Variants in TMEM248 observed in about 807,000 individuals in gnomAD.
TMEM248 encodes the protein transmembrane protein 248, also known as UPF0458 protein C7orf42.
In TMEM248, 9 loss-of-function variants were observed where a neutral mutation model predicts 30.3. The ratio of observed to expected loss-of-function variants is 0.30; its 90% CI spans 0.18 to 0.52. The LOEUF is 0.52. Among genes scored for constraint, TMEM248 ranks in the 20% least tolerant of loss-of-function variants. The pLI, the probability that TMEM248 is intolerant of heterozygous loss-of-function variation, is 0.97. For missense variants in TMEM248, 338 were observed against 403.3 expected (o/e 0.84, Z 1.39); for synonymous variants, 184 against 154.4 (o/e 1.19, Z -1.42).
chr7:66,934,107 C>T (rs780944417), intron 1 of TMEM248, among the ~76,000 whole-genome samples: 13 of 151,542 alleles, frequency 8.6e-5, no homozygotes, highest in African/African-American at 2.2e-4. Context: ...TATTTGAAAA[C>T]GCTTGTGAAT....
In TMEM248 at chr7:66,955,553, TGA is replaced by T; in HGVS notation, c.*36_*37del. ...CAGCTCCTTGTTTTTTGAGAGAGAC[TGA>T]GAGAACCATAATCCTTGCCTGCTGA... On this transcript the variant is annotated 3_prime_UTR_variant, in exon 7 of 7. Coordinates refer to ENST00000341567, the MANE Select transcript of TMEM248 (RefSeq NM_017994.5). 2 of 1,613,828 alleles carry T rather than the reference TGA, an allele frequency of 1.2e-6. No homozygotes were observed. Among genetic ancestry groups the T allele is most frequent in the Non-Finnish European group, 1.7e-6 (2 of 1,179,912 alleles).
chr7:66,939,662 C>G (rs980722061), intron 1 of TMEM248, among the ~76,000 whole-genome samples: 32 of 152,224 alleles, frequency 2.1e-4, no homozygotes, highest in African/African-American at 7.7e-4. Context: ...AATCTCCACT[C>G]TCACTGGGCT....
Position 66,955,693 on chromosome 7 carries a change from A to G in TMEM248, c.*171A>G, listed in dbSNP as rs1792383722. 1 of 850,868 alleles carries G rather than the reference A, an allele frequency of 1.2e-6. No individual in the cohort carries two copies. The highest frequency in any genetic ancestry group is 1.8e-6 in the Non-Finnish European group (1 of 561,438). 52.7% of individuals were successfully genotyped at this position (850,868 alleles called of 1,614,324 possible). A position where few individuals can be genotyped will look rare whatever the true frequency, so the allele number is the denominator to read the frequency against. On this transcript the variant is annotated 3_prime_UTR_variant, in exon 7 of 7. Transcript: ENST00000341567. ...GATTTGTACATATTTATAAAAATCTATTCAGAAATTGGTCCAATAATGCAC... is the reference window on the plus strand; with the variant it reads ...GATTTGTACATATTTATAAAAATCTGTTCAGAAATTGGTCCAATAATGCAC...
chr7:66,943,219 AT>A (rs1792009489), intron 2 of TMEM248, among the ~76,000 whole-genome samples: 1 of 152,198 alleles, frequency 6.6e-6, no homozygotes, highest in Admixed American at 6.6e-5. Context: ...GAAAATGAAT[AT>A]TCTACTCAAA....
intron 1 of TMEM248, among the ~76,000 whole-genome samples, chr7:66,930,300 G>C (rs1335052313): frequency 6.6e-6 from 1 of 152,188 alleles, no homozygotes; most frequent in African/African-American, 2.4e-5. Flanking sequence ...GTGACTGTTT[G>C]GATCTGGAGG....
At chr7:66,931,014 A>T (rs1439102856) in intron 1 of TMEM248, 5 of 152,536 alleles carry the variant, frequency 3.3e-5, no homozygotes, top group Non-Finnish European at 7.4e-5. Context: ...ATTTAAGATG[A>T]ATGGTGGGCC....
At chr7:66,953,768 C>G (rs1792330451) in intron 6 of TMEM248, among the ~76,000 whole-genome samples, 1 of 151,802 alleles carries the variant, frequency 6.6e-6, no homozygotes, top group Non-Finnish European at 1.5e-5. Context: ...CCGCGTCCCA[C>G]TAAGTTTTTG....
rs368704971 is a variant in TMEM248 at position 66,927,211 on chromosome 7, C to T, written c.-19+5750C>T. 7.9e-5 allele frequency among the ~76,000 whole-genome samples: 12 copies of T among 152,104 alleles called. No individual in the cohort carries two copies. The East Asian group carries it at 1.4e-3, about 17-fold the overall frequency. ...TAAGAAGCGGGGGGGTTGAACGTTA[C>T]CATGGTTTTATATCATGATTTTGAA... On this transcript the variant is annotated intron_variant, in intron 1 of 6. Coordinates refer to ENST00000341567, the MANE Select transcript of TMEM248 (RefSeq NM_017994.5).
intron 1 of TMEM248, among the ~76,000 whole-genome samples, chr7:66,936,902 AT>A (rs952976137): frequency 5.9e-5 from 9 of 151,420 alleles, no homozygotes; most frequent in Non-Finnish European, 7.4e-5. Context: ...GATCTTTTAT[AT>A]TTTTTTGTTT....
chr7:66,951,355 TTC>T, intron 5 of TMEM248: 2 of 404,808 alleles, frequency 4.9e-6, no homozygotes, highest in Non-Finnish European at 8.7e-6. Flanking sequence ...TCTCTTCATT[TTC>T]TCTGTTGTTC....
At chr7:66,926,880 C>T (rs887995576) in intron 1 of TMEM248, among the ~76,000 whole-genome samples, 1 of 152,070 alleles carries the variant, frequency 6.6e-6, no homozygotes, top group African/African-American at 2.4e-5. Flanking sequence ...CTGGGGAGTA[C>T]ATGACACAGC....
Position 66,942,048 on chromosome 7 carries a change from C to T in TMEM248, c.159+24C>T, listed in dbSNP as rs190077942. ...AGGTATAGTATGCTCTGACTTCTCC[C>T]GGGCTGGCTGGTCCTTGTGCAGTGG... On this transcript the variant is annotated intron_variant, in intron 2 of 6. Coordinates refer to ENST00000341567, the MANE Select transcript of TMEM248 (RefSeq NM_017994.5). 1.8e-4 allele frequency: 297 copies of T among 1,605,824 alleles called. No homozygotes were observed. The African/African-American group carries it at 3.2e-3, about 18-fold the overall frequency.
At chr7:66,953,028 C>G (rs952740847) in intron 5 of TMEM248, among the ~76,000 whole-genome samples, 198 bp from the exon 6 acceptor site, 1 of 152,044 alleles carries the variant, frequency 6.6e-6, no homozygotes, top group Admixed American at 6.6e-5. Context: ...AACAGAGGCT[C>G]GGGAGCACCA....
chr7:66,922,704 T>TAAGTGCAA (rs3038112), intron 1 of TMEM248, among the ~76,000 whole-genome samples: 23,726 of 151,338 alleles, frequency 0.16, 2,200 homozygotes, highest in East Asian at 0.29. Flanking sequence ...AAAGGTAGAT[T>TAAGTGCAA]ATATATATAT....
intron 5 of TMEM248, 96 bp from the exon 6 acceptor site, chr7:66,953,130 C>T: frequency 7.2e-7 from 1 of 1,394,734 alleles, no homozygotes. Context: ...TGTGGCAAGT[C>T]TGGAGGCTGT....
intron 6 of TMEM248, 21 bp downstream of exon 6, chr7:66,953,390 G>A (rs774781010): frequency 1.4e-5 from 23 of 1,611,234 alleles, no homozygotes; most frequent in African/African-American, 8.0e-5. Context: ...GATGGGGTCC[G>A]GGCCAGCATT....
At chr7:66,926,242 A>C (rs1791521643) in intron 1 of TMEM248, among the ~76,000 whole-genome samples, 1 of 152,212 alleles carries the variant, frequency 6.6e-6, no homozygotes, top group South Asian at 2.1e-4. Flanking sequence ...AGCTACTTGC[A>C]AACCATACGT....
chr7:66,934,487 C>T (rs1791749917), intron 1 of TMEM248, among the ~76,000 whole-genome samples: 1 of 152,206 alleles, frequency 6.6e-6, no homozygotes, highest in South Asian at 2.1e-4. Flanking sequence ...AGGCGTGAAC[C>T]ACTGCGCCCG....
At chr7:66,945,666 G>T (rs939929500) in intron 3 of TMEM248, among the ~76,000 whole-genome samples, 6 of 152,198 alleles carry the variant, frequency 3.9e-5, no homozygotes, top group African/African-American at 1.4e-4. Flanking sequence ...AAATGACTAA[G>T]ATGGCTGGGT....
Sources: gnomAD v4.1 joint callset for allele counts (sites outside exome capture counted in the v4.1 genomes callset) on GRCh38, gnomAD v4.1.1 for gene constraint, MANE v1.5 for transcripts, NCBI Gene and HGNC (gene_info 2026-07-23, HGNC 2026-07-21) for gene names.